The following PDSS2 variants were observed in gnomAD, a reference collection of about 807,000 sequenced individuals.
PDSS2 encodes decaprenyl diphosphate synthase subunit 2.
A neutral mutation model predicts 44.5 loss-of-function variants in PDSS2; 31 were observed. The ratio of observed to expected loss-of-function variants is 0.70; its 90% CI spans 0.52 to 0.94. The LOEUF is 0.94. PDSS2 is among the 40% of genes least tolerant of loss of function. PDSS2 has a pLI of 0.00. For missense variants in PDSS2, 452 were observed against 482.2 expected (o/e 0.94, Z 0.59); for synonymous variants, 157 against 180.3 (o/e 0.87, Z 1.03).
At chr6:107,233,381 T>C (rs2114744799) in intron 4 of PDSS2, among the ~76,000 whole-genome samples, 1 of 152,334 alleles carries the variant, frequency 6.6e-6, no homozygotes, top group East Asian at 1.9e-4. Flanking sequence ...TTGTTTTGAA[T>C]GTTCCAGGAG....
At chr6:107,238,024 C>T (rs996808733) in intron 4 of PDSS2, among the ~76,000 whole-genome samples, 4 of 151,478 alleles carry the variant, frequency 2.6e-5, no homozygotes, top group Admixed American at 6.6e-5. Context: ...TAATATAATC[C>T]GTGCTTGAAA....
At chr6:107,161,911 C>T (rs868917401) in intron 7 of PDSS2, among the ~76,000 whole-genome samples, 58 of 152,166 alleles carry the variant, frequency 3.8e-4, no homozygotes, top group Middle Eastern at 6.8e-3. Context: ...GAAAGTAAAC[C>T]GCCGATAGTG....
At chr6:107,375,734 G>T (rs142555961) in intron 1 of PDSS2, among the ~76,000 whole-genome samples, 1 of 152,160 alleles carries the variant, frequency 6.6e-6, no homozygotes, top group East Asian at 1.9e-4. Flanking sequence ...GACATTACAG[G>T]AAAATTATTA....
At chr6:107,268,353 T>A (rs1248424273) in intron 3 of PDSS2, among the ~76,000 whole-genome samples, 1 of 152,186 alleles carries the variant, frequency 6.6e-6, no homozygotes, top group East Asian at 1.9e-4. Context: ...TTGAAATATG[T>A]ATTTATTTCA....
chr6:107,444,018 G>A (rs1329598344), intron 1 of PDSS2, among the ~76,000 whole-genome samples: 1 of 151,920 alleles, frequency 6.6e-6, no homozygotes, highest in Non-Finnish European at 1.5e-5. Flanking sequence ...AAAACTCTAT[G>A]ACATAGCTAC....
At chr6:107,406,235 T>A (rs1780316532) in intron 1 of PDSS2, among the ~76,000 whole-genome samples, 1 of 152,188 alleles carries the variant, frequency 6.6e-6, no homozygotes, top group Admixed American at 6.5e-5. Flanking sequence ...GTAACTTTTA[T>A]GGCTATATCA....
intron 3 of PDSS2, among the ~76,000 whole-genome samples, chr6:107,259,668 C>CT: frequency 6.9e-6 from 1 of 145,312 alleles, no homozygotes; most frequent in South Asian, 2.2e-4. Flanking sequence ...GAACAAGACT[C>CT]TGTCTCAAAA....
chr6:107,277,680 C>G (rs1022021846), intron 2 of PDSS2, among the ~76,000 whole-genome samples: 1 of 152,096 alleles, frequency 6.6e-6, no homozygotes, highest in Non-Finnish European at 1.5e-5. Flanking sequence ...AGGCCAGGCG[C>G]GGTGGCTCAG....
chr6:107,409,877 G>A (rs1780434859), intron 1 of PDSS2, among the ~76,000 whole-genome samples: 1 of 152,146 alleles, frequency 6.6e-6, no homozygotes, highest in Non-Finnish European at 1.5e-5. Flanking sequence ...AGATGAACAA[G>A]GTGCTACCAA....
At chr6:107,197,328 CA>C (rs1772598509) in intron 6 of PDSS2, among the ~76,000 whole-genome samples, 1 of 151,538 alleles carries the variant, frequency 6.6e-6, no homozygotes, top group East Asian at 1.9e-4. Flanking sequence ...TAGATCGTGT[CA>C]AAATATGGTA....
At chr6:107,383,577 T>C (rs1198928959) in intron 1 of PDSS2, among the ~76,000 whole-genome samples, 1 of 152,028 alleles carries the variant, frequency 6.6e-6, no homozygotes, top group African/African-American at 2.4e-5. Context: ...GAGAAGGGAC[T>C]TGTATCTAGA....
intron 1 of PDSS2, among the ~76,000 whole-genome samples, chr6:107,438,402 T>C (rs938394010): frequency 1.3e-5 from 2 of 152,096 alleles, no homozygotes; most frequent in Admixed American, 1.3e-4. Flanking sequence ...GTATTTTTAG[T>C]ACAAAGTTTC....
chr6:107,422,424 A>G (rs1468961945), intron 1 of PDSS2, among the ~76,000 whole-genome samples: 1 of 152,114 alleles, frequency 6.6e-6, no homozygotes, highest in Non-Finnish European at 1.5e-5. Context: ...TATTTCCAAT[A>G]GAAGATATTC....
chr6:107,236,737 T>A (rs1774238339), intron 4 of PDSS2, among the ~76,000 whole-genome samples: 1 of 152,200 alleles, frequency 6.6e-6, no homozygotes, highest in East Asian at 1.9e-4. Flanking sequence ...ATCTTCCCAA[T>A]CTTTAATGTC....
intron 4 of PDSS2, among the ~76,000 whole-genome samples, chr6:107,227,278 C>CCTT (rs1773861831): frequency 9.7e-6 from 1 of 102,812 alleles, no homozygotes; most frequent in Non-Finnish European, 2.0e-5. Context: ...CCACTGTGCC[C>CCTT]TTTTTTTTTT....
intron 7 of PDSS2, among the ~76,000 whole-genome samples, chr6:107,166,679 T>C (rs1179794053): frequency 1.3e-5 from 2 of 152,242 alleles, no homozygotes; most frequent in Admixed American, 6.5e-5. Context: ...TGAGAGTTTT[T>C]AGCATGAAGG....
At chr6:107,306,306 G>C (rs757579956) in intron 2 of PDSS2, among the ~76,000 whole-genome samples, 1 of 152,142 alleles carries the variant, frequency 6.6e-6, no homozygotes, top group Non-Finnish European at 1.5e-5. Flanking sequence ...TCGTGATAGT[G>C]AATAAGTCTC....
intron 3 of PDSS2, among the ~76,000 whole-genome samples, chr6:107,247,040 C>T (rs1274898207): frequency 6.6e-6 from 1 of 152,084 alleles, no homozygotes; most frequent in African/African-American, 2.4e-5. Context: ...CTGAAGGTAT[C>T]AGATAAGCCC....
At chr6:107,396,218 C>CG (rs1779934871) in intron 1 of PDSS2, among the ~76,000 whole-genome samples, 1 of 151,754 alleles carries the variant, frequency 6.6e-6, no homozygotes, top group African/African-American at 2.4e-5. Context: ...TTATCTAGAA[C>CG]TTTTTTTTTC....
Sources: gnomAD v4.1 joint callset for allele counts (sites outside exome capture counted in the v4.1 genomes callset) on GRCh38, gnomAD v4.1.1 for gene constraint, MANE v1.5 for transcripts, NCBI Gene and HGNC (gene_info 2026-07-23, HGNC 2026-07-21) for gene names.